The following KANK1 variants were observed in gnomAD, a reference collection of about 807,000 sequenced individuals.
KANK1 encodes the protein KN motif and ankyrin repeat domains 1, also known as KN motif and ankyrin repeat domain-containing protein 1.
Under a neutral mutation model 106.2 loss-of-function variants are expected in KANK1, and 109 were observed. That is an observed-to-expected ratio of 1.03 (90% CI 0.88 to 1.20). KANK1 has a LOEUF of 1.20. Among genes scored for constraint, KANK1 ranks in the 50% most tolerant of loss-of-function variants. The pLI is 0.00. For synonymous variants in KANK1, 873 were observed against 652.2 expected, an observed-to-expected ratio of 1.34 and a Z score of -5.16; for missense variants, 2,399 against 1,710.7, an observed-to-expected ratio of 1.40 and a Z score of -7.10.
At chr9:636,727 TATG>T (rs1433966662) in intron 1 of KANK1, among the ~76,000 whole-genome samples, 1 of 152,016 alleles carries the variant, frequency 6.6e-6, no homozygotes, top group Non-Finnish European at 1.5e-5. Flanking sequence ...ATTAGCCAGA[TATG>T]GTGGTGTGTG....
Position 613,441 on chromosome 9 carries a change from G to C in KANK1, c.-83-63449G>C, listed in dbSNP as rs138997363. ...TTTGAATGCAGCCCAACACAAATTT[G>C]TAAACTTCTTAAAACATGAGATTTT... On this transcript the variant is annotated intron_variant, in intron 1 of 11. Transcript: ENST00000382297. Among the ~76,000 whole-genome samples the C allele has an allele frequency of 5.1e-4, 77 of 152,006 alleles. 2 individuals are homozygous for C. The East Asian group carries it at 0.014, about 28-fold the overall frequency.
At chr9:563,683 T>C (rs1817072113) in intron 1 of KANK1, among the ~76,000 whole-genome samples, 1 of 152,134 alleles carries the variant, frequency 6.6e-6, no homozygotes, top group Admixed American at 6.5e-5. Context: ...AGTCCAGAAT[T>C]GTAGTTATGC....
Position 732,580 on chromosome 9 carries a change from C to T in KANK1, c.3208C>T (p.Gln1070Ter). The T allele has an allele frequency of 6.2e-7, 1 of 1,614,126 alleles. No homozygotes were observed. The highest frequency in any genetic ancestry group is 8.5e-7 in the Non-Finnish European group (1 of 1,180,028). ...CAGGGTGGAAGATGAAATGCAGGTT[C>T]AAGAATGTGAACCTGAGAAGGTGGA... ...SARVEDEMQVQECEPEKVEIR... is the reference protein window; with the variant it reads ...SARVEDEMQV The change falls in exon 6 of 12, where the codon CAA becomes TAA. Residue 1070 changes from glutamine (Q) to a stop codon, truncating the protein, a stop_gained. Coordinates refer to ENST00000382297, the MANE Select transcript of KANK1 (RefSeq NM_015158.5). LOFTEE classifies it high-confidence loss of function.
At chr9:508,601 CTG>C (rs925713850) in intron 1 of KANK1, among the ~76,000 whole-genome samples, 10 of 146,292 alleles carry the variant, frequency 6.8e-5, no homozygotes, top group African/African-American at 2.5e-4. Context: ...GTTGTGCCAA[CTG>C]TGGATTAGTT....
Position 732,489 on chromosome 9 carries a change from G to C in KANK1, c.3117G>C (p.Glu1039Asp). 6.2e-7 allele frequency: 1 copy of C among 1,614,078 alleles called. No homozygotes were observed. Among genetic ancestry groups the C allele is most frequent in the Non-Finnish European group, 8.5e-7 (1 of 1,179,992 alleles). Residue 1039 changes from glutamate (E) to aspartate (D), a missense_variant, in exon 6 of 12, where the codon GAG (glutamate) becomes GAC (aspartate). By Grantham distance (45) the Glu-to-Asp change is conservative (BLOSUM62 2). Coordinates refer to ENST00000382297, the MANE Select transcript of KANK1 (RefSeq NM_015158.5). ...EYPLEEEEEE[E>D]DEDTRGMAEG... ...CTCTTGAAGAAGAGGAGGAGGAGGA[G>C]GATGAAGACACTCGGGGAATGGCAG... is the stretch of plus-strand genomic sequence containing the variant.
rs577978246 is a variant in KANK1 at position 693,771 on chromosome 9, T to C, written c.37+16762T>C. ...TCCTGCTCGCTGAAAATCACAGTTATTTTGTTTCTGGGTGGGTAAGTAAGA... is the reference window on the plus strand; with the variant it reads ...TCCTGCTCGCTGAAAATCACAGTTACTTTGTTTCTGGGTGGGTAAGTAAGA... On this transcript the variant is annotated intron_variant, in intron 2 of 11. Transcript: ENST00000382297. 114 of 985,328 alleles carry C rather than the reference T, an allele frequency of 1.2e-4. No homozygotes were observed. In the African/African-American group the frequency reaches 1.5e-3, roughly 13 times the overall value. The allele number at this position is 985,328 out of a possible 1,614,324, so 61.0% of individuals were successfully genotyped here.
In KANK1 at chr9:738,434, C is replaced by T. The variant is rs2296051; in HGVS notation, c.3483C>T (p.Asn1161=). The stretch of plus-strand genomic sequence containing the variant: ...ATGTCATCAACTTGGCAGACGGCAA[C>T]GGCAACACAGCCCTCCATTACAGCG... The part of the protein sequence containing the change: ...LRYVINLADG[N]GNTALHYSVS... Residue 1161 remains asparagine (N), a synonymous_variant, in exon 8 of 12, where the codon AAC becomes AAT. Transcript: ENST00000382297. 0.018 allele frequency: 28,593 copies of T among 1,614,040 alleles called. 2,114 individuals are homozygous for T. Among genetic ancestry groups the T allele is most frequent in the East Asian group, 0.16 (7,099 of 44,856 alleles).
chr9:475,546 A>AAAT (rs1246875010), intron 3 of KANK1, among the ~76,000 whole-genome samples: 1 of 152,152 alleles, frequency 6.6e-6, no homozygotes, highest in Admixed American at 6.5e-5. Flanking sequence ...CTTATCTTCC[A>AAAT]AATTCCTATC....
upstream of KANK1, among the ~76,000 whole-genome samples, chr9:502,612 T>C (rs1175066749): frequency 2.0e-5 from 3 of 151,600 alleles, no homozygotes; most frequent in Non-Finnish European, 2.9e-5. Flanking sequence ...CAACCTCAGC[T>C]TCCCGGGTTC....
chr9:682,351 T>C (rs1050807501), intron 2 of KANK1, among the ~76,000 whole-genome samples: 1 of 151,942 alleles, frequency 6.6e-6, no homozygotes, highest in Non-Finnish European at 1.5e-5. Flanking sequence ...AAGAGAAGAA[T>C]TACTCAAAAT....
upstream of KANK1, among the ~76,000 whole-genome samples, chr9:500,818 G>C (rs1481743230): frequency 6.6e-6 from 1 of 152,178 alleles, no homozygotes; most frequent in African/African-American, 2.4e-5. Flanking sequence ...CAGTACCCTG[G>C]ACTTGCACAG....
chr9:490,877 T>G (rs182733060), intron 3 of KANK1, among the ~76,000 whole-genome samples: 117 of 151,722 alleles, frequency 7.7e-4, no homozygotes, highest in African/African-American at 2.7e-3. Flanking sequence ...ATAAATGAAT[T>G]AATTAGAATA....
chr9:634,437 G>A (rs1052735065), intron 1 of KANK1, among the ~76,000 whole-genome samples: 19 of 152,144 alleles, frequency 1.2e-4, no homozygotes, highest in Admixed American at 1.3e-4. Context: ...CTAATCTTAG[G>A]TTCTATAGTA....
At chr9:568,775 C>T (rs1009221640) in intron 1 of KANK1, among the ~76,000 whole-genome samples, 6 of 152,108 alleles carry the variant, frequency 3.9e-5, no homozygotes, top group Non-Finnish European at 8.8e-5. Flanking sequence ...AGCCACCATG[C>T]CTGGCCAAGG....
intron 1 of KANK1, among the ~76,000 whole-genome samples, chr9:561,306 A>G (rs1816372149): frequency 6.6e-6 from 1 of 152,158 alleles, no homozygotes; most frequent in African/African-American, 2.4e-5. Context: ...TTTAGTAATC[A>G]CTTTTTTCAC....
chr9:676,473 T>G lies in KANK1; in HGVS notation c.-83-417T>G, dbSNP rs547525291. 2.0e-5 allele frequency among the ~76,000 whole-genome samples: 3 copies of G among 152,290 alleles called. No individual in the cohort carries two copies. In the South Asian group the frequency reaches 6.2e-4, roughly 32 times the overall value. ...GTTAATCTTTTTAAAAATGTAAACA[T>G]TTGGTGCAATAATTGCTTTGAAATT... On this transcript the variant is annotated intron_variant, in intron 1 of 11. Transcript: ENST00000382297.
intron 1 of KANK1, among the ~76,000 whole-genome samples, chr9:520,077 C>A (rs754803785): frequency 4.0e-5 from 6 of 151,872 alleles, no homozygotes; most frequent in African/African-American, 9.7e-5. Flanking sequence ...GTGGCTCACA[C>A]CTGTAATCCC....
At chr9:564,197 T>C (rs1299526428) in intron 1 of KANK1, among the ~76,000 whole-genome samples, 2 of 151,992 alleles carry the variant, frequency 1.3e-5, no homozygotes, top group Non-Finnish European at 2.9e-5. Context: ...GTAGCTGGGA[T>C]TACAGACGCC....
intron 7 of KANK1, chr9:735,746 C>T (rs1371745590): frequency 2.3e-6 from 1 of 440,472 alleles, no homozygotes; most frequent in Non-Finnish European, 4.7e-6. Context: ...ATGATCCCAA[C>T]ACTTCGGGAG....
Sources: allele counts gnomAD v4.1 joint callset (sites outside exome capture counted in the v4.1 genomes callset), GRCh38; gene constraint gnomAD v4.1.1; transcripts MANE v1.5; gene names NCBI Gene and HGNC (gene_info 2026-07-23, HGNC 2026-07-21).